The following CRIPT variants were observed in gnomAD, a reference collection of about 807,000 sequenced individuals.
CRIPT encodes CXXC repeat containing interactor of PDZ3 domain.
CRIPT carries 20 observed loss-of-function variants against 16.6 expected under a neutral mutation model. That is an observed-to-expected ratio of 1.20 (90% CI 0.85 to 1.75). CRIPT has a LOEUF of 1.75. Among genes scored for constraint, CRIPT ranks in the 40% most tolerant of loss-of-function variants. CRIPT has a pLI of 0.00. For synonymous variants in CRIPT, 42 were observed against 37.0 expected, an observed-to-expected ratio of 1.14 and a Z score of -0.49; for missense variants, 133 against 115.3, an observed-to-expected ratio of 1.15 and a Z score of -0.70.
chr2:46,618,755 A>G lies in CRIPT; in HGVS notation c.17-18A>G. The stretch of plus-strand genomic sequence containing the variant: ...AATAATAAAGTTTAATTTTCCTTTT[A>G]CTATCTTGTTCTAACAGGTGAAAAG... On this transcript the variant is annotated intron_variant, in intron 1 of 4. Transcript: ENST00000238892. 6.5e-7 allele frequency: 1 copy of G among 1,543,282 alleles called. No homozygotes were observed. The highest frequency in any genetic ancestry group is 8.9e-7 in the Non-Finnish European group (1 of 1,124,108).
Position 46,625,403 on chromosome 2 carries a change from T to TTA in CRIPT, c.*1176_*1177insTA, listed in dbSNP as rs35829022. On this transcript the variant is annotated 3_prime_UTR_variant, in exon 5 of 5. Transcript: ENST00000238892. ...TTTTTTTTTTTTTTTTTTTTTTTTTTAACACTACAGGTTTCAAATGAATAC... is the reference window on the plus strand; with the variant it reads ...TTTTTTTTTTTTTTTTTTTTTTTTTTTAAACACTACAGGTTTCAAATGAATAC... 1 of 106,852 alleles carries TTA rather than the reference T, an allele frequency of 9.4e-6. No individual in the cohort carries two copies. Among genetic ancestry groups the TTA allele is most frequent in the East Asian group, 2.2e-4 (1 of 4,518 alleles). 6.6% of individuals were successfully genotyped at this position (106,852 alleles called of 1,614,324 possible). A position where few individuals can be genotyped will look rare whatever the true frequency, so the allele number is the denominator to read the frequency against.
At chr2:46,621,257 CA>C in intron 3 of CRIPT, among the ~76,000 whole-genome samples, 1 of 152,164 alleles carries the variant, frequency 6.6e-6, no homozygotes, top group East Asian at 1.9e-4. Flanking sequence ...TGACCCCTCC[CA>C]CCTCTCCGGC....
rs1157464419 is a variant in CRIPT, at chr2:46,627,467, A to T, written c.*3240A>T. The stretch of plus-strand genomic sequence containing the variant: ...TTTTTTTTTTTTTTTCCCCAAAGAC[A>T]GAGTCTCCTTCTGTTGCCCAGGCTG... On this transcript the variant is annotated 3_prime_UTR_variant, in exon 5 of 5. Coordinates refer to ENST00000238892, the MANE Select transcript of CRIPT (RefSeq NM_014171.6). 6.6e-6 allele frequency among the ~76,000 whole-genome samples: 1 copy of T among 150,520 alleles called. No homozygotes were observed. Among genetic ancestry groups the T allele is most frequent in the Non-Finnish European group, 1.5e-5 (1 of 67,726 alleles).
chr2:46,617,673 A>T (rs954674303), intron 1 of CRIPT, among the ~76,000 whole-genome samples: 7 of 152,216 alleles, frequency 4.6e-5, no homozygotes, highest in Non-Finnish European at 1.0e-4. Context: ...CAAATGCTAG[A>T]CACTAGAACC....
At chr2:46,620,197 C>T (rs371160136) in intron 3 of CRIPT, among the ~76,000 whole-genome samples, 1 of 152,170 alleles carries the variant, frequency 6.6e-6, no homozygotes, top group Non-Finnish European at 1.5e-5. Flanking sequence ...ACCTGTAATC[C>T]TAGCACTTTG....
At chr2:46,621,248 G>C (rs1047230424) in intron 3 of CRIPT, among the ~76,000 whole-genome samples, 37 of 152,042 alleles carry the variant, frequency 2.4e-4, no homozygotes, top group African/African-American at 8.9e-4. Context: ...TCCTTAATAT[G>C]ACCCCTCCCA....
rs13392119 is a variant in CRIPT, at chr2:46,624,497, A to G, written c.*270A>G. 3.4e-3 allele frequency: 824 copies of G among 243,668 alleles called. 5 individuals carry two copies. Among genetic ancestry groups the G allele is most frequent in the African/African-American group, 0.018 (795 of 44,900 alleles). 15.1% of individuals were successfully genotyped at this position (243,668 alleles called of 1,614,324 possible). On this transcript the variant is annotated 3_prime_UTR_variant, in exon 5 of 5. Coordinates refer to ENST00000238892, the MANE Select transcript of CRIPT (RefSeq NM_014171.6). ...CTCAGTTCTGTATGCACTTTTATTT[A>G]ACATTATTCATATAATTCTCCCCCC...
At chr2:46,623,692 T>C (rs1372043606) in intron 3 of CRIPT, 72 bp from the exon 4 acceptor site, 1 of 781,068 alleles carries the variant, frequency 1.3e-6, no homozygotes, top group African/African-American at 1.8e-5. Context: ...TCCTGTGTGT[T>C]GCGTAAGTGG....
chr2:46,622,321 G>C (rs1325072533), intron 3 of CRIPT, among the ~76,000 whole-genome samples: 1 of 149,790 alleles, frequency 6.7e-6, no homozygotes, highest in Non-Finnish European at 1.5e-5. Context: ...AGTGAGCCGA[G>C]ATTGCGCCAC....
intron 3 of CRIPT, among the ~76,000 whole-genome samples, chr2:46,620,125 A>G (rs1246326274): frequency 6.6e-6 from 1 of 152,178 alleles, no homozygotes; most frequent in Non-Finnish European, 1.5e-5. Context: ...CTTAAAAACA[A>G]GTGTTTGATA....
chr2:46,630,017 A>C lies in CRIPT; in HGVS notation c.*5790A>C, dbSNP rs1329656143. ...AGGTTTCCCTTTATCATCAACTTCG[A>C]GTAAGTACTTTTTTCTGAGCCATTT... On this transcript the variant is annotated 3_prime_UTR_variant, in exon 5 of 5. Transcript: ENST00000238892. Among the ~76,000 whole-genome samples, 1 of 152,130 alleles carries C rather than the reference A, an allele frequency of 6.6e-6. No individual in the cohort carries two copies. Among genetic ancestry groups the C allele is most frequent in the Admixed American group, 6.6e-5 (1 of 15,262 alleles).
intron 4 of CRIPT, 39 bp from the exon 5 acceptor site, chr2:46,624,124 A>G (rs776820391): frequency 6.9e-7 from 1 of 1,451,468 alleles, no homozygotes; most frequent in African/African-American, 1.4e-5. Flanking sequence ...AACAGTTGGT[A>G]TTATGATTTG....
Position 46,625,724 on chromosome 2 carries a change from A to C in CRIPT, c.*1497A>C, listed in dbSNP as rs1022282447. 6 of 152,118 alleles carry C rather than the reference A, an allele frequency of 3.9e-5. 1 individual carries two copies. Among genetic ancestry groups the C allele is most frequent in the Admixed American group, 3.3e-4 (5 of 15,266 alleles). 9.4% of individuals were successfully genotyped at this position (152,118 alleles called of 1,614,324 possible). ...TACAAGGATAATACAGAATATAATA[A>C]ATAATTTATCTGAGAGCAGGAAGTA... On this transcript the variant is annotated 3_prime_UTR_variant, in exon 5 of 5. Coordinates refer to ENST00000238892, the MANE Select transcript of CRIPT (RefSeq NM_014171.6).
Position 46,617,298 on chromosome 2 carries a change from T to C in CRIPT, c.16T>C (p.Cys6Arg), listed in dbSNP as rs1382156432. The C allele has an allele frequency of 1.3e-6, 2 of 1,555,002 alleles. No individual in the cohort carries two copies. The highest frequency in any genetic ancestry group is 1.7e-6 in the Non-Finnish European group (2 of 1,148,420). ...GTGGGGAAGGATGGTGTGCGAAAAA[T>C]GTGAGTTAAGGGGCCGCTTCTGCGG... MVCEK[C>R]EKKLGTVITP... The change falls in exon 1 of 5, where the codon TGT (cysteine) becomes CGT (arginine). Residue 6 changes from cysteine (C) to arginine (R), a missense_variant and splice_region_variant. Coordinates refer to ENST00000238892, the MANE Select transcript of CRIPT (RefSeq NM_014171.6).
rs537792255 is a variant in CRIPT, at chr2:46,627,177, T to C, written c.*2950T>C. 3.9e-5 allele frequency among the ~76,000 whole-genome samples: 6 copies of C among 152,316 alleles called. No individual in the cohort carries two copies. Among genetic ancestry groups the C allele is most frequent in the East Asian group, 1.9e-4 (1 of 5,184 alleles). ...TTTTCTGAATTGTTTTAGTTCCTTA[T>C]AGATTTTGGACATTAGACCTTTTTC... On this transcript the variant is annotated 3_prime_UTR_variant, in exon 5 of 5. Coordinates refer to ENST00000238892, the MANE Select transcript of CRIPT (RefSeq NM_014171.6).
rs2104175492 is a variant in CRIPT at position 46,624,160 on chromosome 2, C to G, written c.242-3C>G. 6.4e-7 allele frequency: 1 copy of G among 1,551,514 alleles called. No homozygotes were observed. Among genetic ancestry groups the G allele is most frequent in the South Asian group, 1.2e-5 (1 of 81,370 alleles). The stretch of plus-strand genomic sequence containing the variant: ...ATTGATCACATATCTTCTTTTGTTT[C>G]AGGCATCTGTGCGATGTGTGGAAAA... On this transcript the variant is annotated splice_region_variant and splice_polypyrimidine_tract_variant and intron_variant, in intron 4 of 4. Transcript: ENST00000238892.
At chr2:46,619,279 G>C (rs576904950) in intron 2 of CRIPT, among the ~76,000 whole-genome samples, 1 of 151,970 alleles carries the variant, frequency 6.6e-6, no homozygotes, top group African/African-American at 2.4e-5. Context: ...AATACATATA[G>C]TAAAGTATGT....
intron 3 of CRIPT, among the ~76,000 whole-genome samples, chr2:46,623,338 T>C (rs914117278): frequency 6.6e-6 from 1 of 152,150 alleles, no homozygotes; most frequent in Non-Finnish European, 1.5e-5. Context: ...CTAGTGATTT[T>C]CCCCCAGTTT....
chr2:46,628,736 A>G lies in CRIPT; in HGVS notation c.*4509A>G, dbSNP rs773174076. Among the ~76,000 whole-genome samples the G allele has an allele frequency of 8.5e-5, 13 of 152,198 alleles. No individual in the cohort carries two copies. The highest frequency in any genetic ancestry group is 2.2e-4 in the African/African-American group (9 of 41,458). The stretch of plus-strand genomic sequence containing the variant: ...CCATATTCTCTAAATAATAATAATG[A>G]TGGTCATAAATTGAATAGAAGTATT... On this transcript the variant is annotated 3_prime_UTR_variant, in exon 5 of 5. Transcript: ENST00000238892.
Sources: allele counts gnomAD v4.1 joint callset (sites outside exome capture counted in the v4.1 genomes callset), GRCh38; gene constraint gnomAD v4.1.1; transcripts MANE v1.5; gene names NCBI Gene and HGNC (gene_info 2026-07-23, HGNC 2026-07-21).